The following TEK variants were observed in gnomAD, a reference collection of about 807,000 sequenced individuals.
TEK encodes the protein TEK receptor tyrosine kinase.
A neutral mutation model predicts 131.8 loss-of-function variants in TEK; 43 were observed. The observed-to-expected ratio is 0.33, with a 90% confidence interval of 0.26 to 0.42. The LOEUF is 0.42. Ranked by LOEUF, TEK falls within the 10% of genes least tolerant of loss-of-function variation. The probability of loss-of-function intolerance (pLI) is 1.00; values close to 1 mark genes in which losing one functional copy is unlikely to be tolerated. For missense variants in TEK, 1,162 were observed against 1,384.4 expected (o/e 0.84, Z 2.55); for synonymous variants, 580 against 491.6 (o/e 1.18, Z -2.38).
chr9:27,173,368 C>T lies in TEK; in HGVS notation c.901+6C>T, dbSNP rs1824037835. On this transcript the variant is annotated splice_donor_region_variant and intron_variant, in intron 6 of 22. Transcript: ENST00000380036. ...GGGTCTGCAGTGCAATGAAGGTATG[C>T]ACCAATCACACCCTTGGACAGAGGA... 6.2e-7 allele frequency: 1 copy of T among 1,613,746 alleles called. No homozygotes were observed. The highest frequency in any genetic ancestry group is 2.2e-5 in the East Asian group (1 of 44,860).
intron 1 of TEK, among the ~76,000 whole-genome samples, chr9:27,144,612 T>A (rs1013713044): frequency 5.9e-5 from 9 of 152,208 alleles, no homozygotes; most frequent in African/African-American, 2.2e-4. Context: ...ATTTTTTTTT[T>A]AATTGAGGCG....
rs1824119307 is a variant in TEK at position 27,175,226 on chromosome 9, G to A, written c.901+1864G>A. Among the ~76,000 whole-genome samples, 5 of 148,150 alleles carry A rather than the reference G, an allele frequency of 3.4e-5. No individual in the cohort carries two copies. In the South Asian group the frequency reaches 1.1e-3, roughly 32 times the overall value. ...CTGTTCAATTCCCATCTATGAGTGA[G>A]AACATACGGTGTTTGGTTTTTTGTC... On this transcript the variant is annotated intron_variant, in intron 6 of 22. Transcript: ENST00000380036.
intron 19 of TEK, among the ~76,000 whole-genome samples, chr9:27,218,130 T>TGGG (rs1554702611): frequency 2.9e-5 from 4 of 139,514 alleles, no homozygotes; most frequent in South Asian, 2.5e-4. Context: ...GGCCAGACAG[T>TGGG]GGCGGGGGTC....
intron 18 of TEK, among the ~76,000 whole-genome samples, chr9:27,217,383 C>CT (rs1288948069): frequency 6.6e-6 from 1 of 152,148 alleles, no homozygotes; most frequent in Non-Finnish European, 1.5e-5. Flanking sequence ...GTGTCTATGC[C>CT]TGTCTCCCCT....
chr9:27,208,298 A>G (rs1460307523), intron 15 of TEK, among the ~76,000 whole-genome samples: 1 of 151,956 alleles, frequency 6.6e-6, no homozygotes, highest in East Asian at 1.9e-4. Context: ...ATGAGCAGCC[A>G]TGTTTATGGC....
intron 1 of TEK, among the ~76,000 whole-genome samples, chr9:27,148,616 C>T (rs1283813834): frequency 6.6e-6 from 1 of 152,156 alleles, no homozygotes; most frequent in Non-Finnish European, 1.5e-5. Flanking sequence ...TTGGCTAATC[C>T]TCCATTGATC....
In TEK at chr9:27,183,450, T is replaced by A. The variant is rs370339471; in HGVS notation, c.1031-9T>A. ...TATTAGATTTCACAGTGCTGTTTTC[T>A]TCCTTCAGGCATACAGAGGATGACC... On this transcript the variant is annotated splice_polypyrimidine_tract_variant and intron_variant, in intron 7 of 22. Coordinates refer to ENST00000380036, the MANE Select transcript of TEK (RefSeq NM_000459.5). 1 of 1,613,614 alleles carries A rather than the reference T, an allele frequency of 6.2e-7. No individual in the cohort carries two copies. Among genetic ancestry groups the A allele is most frequent in the Admixed American group, 1.7e-5 (1 of 60,000 alleles).
At chr9:27,157,110 GGTTTT>G (rs1823361937) in intron 1 of TEK, among the ~76,000 whole-genome samples, 1 of 152,186 alleles carries the variant, frequency 6.6e-6, no homozygotes, top group African/African-American at 2.4e-5. Context: ...GTTTGGGTAA[GGTTTT>G]GTTTTTGTTT....
At chr9:27,214,413 C>G (rs1825742820) in intron 18 of TEK, among the ~76,000 whole-genome samples, 1 of 152,172 alleles carries the variant, frequency 6.6e-6, no homozygotes. Flanking sequence ...ATGAACATTA[C>G]TTGGTCCCAG....
chr9:27,191,694 T>C (rs985947044), intron 10 of TEK, among the ~76,000 whole-genome samples: 2 of 152,164 alleles, frequency 1.3e-5, no homozygotes, highest in Non-Finnish European at 2.9e-5. Flanking sequence ...TCACATACTA[T>C]TGTAGATTCT....
intron 1 of TEK, among the ~76,000 whole-genome samples, chr9:27,146,510 A>G (rs1046223873): frequency 1.4e-4 from 21 of 152,174 alleles, no homozygotes; most frequent in African/African-American, 5.1e-4. Flanking sequence ...AGAATGTCAT[A>G]TAAATGCAGT....
Position 27,204,933 on chromosome 9 carries a change from G to C in TEK, c.2232G>C (p.Gly744=). 6.2e-7 allele frequency: 1 copy of C among 1,614,000 alleles called. No individual in the cohort carries two copies. Among genetic ancestry groups the C allele is most frequent in the Non-Finnish European group, 8.5e-7 (1 of 1,179,904 alleles). Residue 744 remains glycine, a synonymous_variant, in exon 14 of 23, where the codon GGG becomes GGC. Coordinates refer to ENST00000380036, the MANE Select transcript of TEK (RefSeq NM_000459.5). ...CAGCACCAGCGGACCTCGGAGGGGG[G>C]AAGATGCTGCTTATAGCCATCCTTG... The part of the protein sequence containing the change: ...ESQAPADLGG[G]KMLLIAILGS...
chr9:27,163,876 C>A (rs542114133), intron 2 of TEK, among the ~76,000 whole-genome samples: 1 of 152,336 alleles, frequency 6.6e-6, no homozygotes, highest in African/African-American at 2.4e-5. Flanking sequence ...TGTTTTTCAT[C>A]TGTGTTTTCA....
rs567798987 is a variant in TEK, at chr9:27,208,124, A to T, written c.2576-997A>T. Among the ~76,000 whole-genome samples, 14 of 152,320 alleles carry T rather than the reference A, an allele frequency of 9.2e-5. No homozygotes were observed. The South Asian group carries it at 2.9e-3, about 32-fold the overall frequency. ...ATAAATCCTGCAGGCAAAGCAGTGC[A>T]TCCAAAGAAGGGCAGTTACTGAAGT... On this transcript the variant is annotated intron_variant, in intron 15 of 22. Coordinates refer to ENST00000380036, the MANE Select transcript of TEK (RefSeq NM_000459.5).
In TEK at chr9:27,204,893, C is replaced by T. The variant is rs368371176; in HGVS notation, c.2210-18C>T. The T allele has an allele frequency of 6.8e-6, 11 of 1,613,484 alleles. No individual in the cohort carries two copies. The highest frequency in any genetic ancestry group is 9.3e-6 in the Non-Finnish European group (11 of 1,179,758). On this transcript the variant is annotated intron_variant, in intron 13 of 22. Transcript: ENST00000380036. Reference sequence around the variant, plus strand: ...ATGTAAACTAAACTACCTGCTTCACCTCTGTCTTCCTGCACAGCACCAGCG... The same window carrying T: ...ATGTAAACTAAACTACCTGCTTCACTTCTGTCTTCCTGCACAGCACCAGCG...
At chr9:27,194,752 G>A (rs1480984975) in intron 11 of TEK, among the ~76,000 whole-genome samples, 2 of 152,186 alleles carry the variant, frequency 1.3e-5, no homozygotes, top group Non-Finnish European at 2.9e-5. Context: ...GGGTAGGCGG[G>A]AAGGGGATTA....
Position 27,180,480 on chromosome 9 carries a change from A to G in TEK, c.1030+112A>G. The G allele has an allele frequency of 3.4e-6, 5 of 1,470,696 alleles. No homozygotes were observed. The Admixed American group carries it at 5.9e-5, about 17-fold the overall frequency. 91.1% of individuals were successfully genotyped at this position (1,470,696 alleles called of 1,614,324 possible). ...AGATCCTCAAGCCTCTTTTGTTTCC[A>G]TCCAGAAGTTGGGAATAGTTTATCC... On this transcript the variant is annotated intron_variant, in intron 7 of 22. Transcript: ENST00000380036.
chr9:27,184,683 CTT>C lies in TEK; in HGVS notation c.1183-795_1183-794del, dbSNP rs1210862835. Among the ~76,000 whole-genome samples, 6 of 151,826 alleles carry C rather than the reference CTT, an allele frequency of 4.0e-5. No homozygotes were observed. In the East Asian group the frequency reaches 7.7e-4, roughly 20 times the overall value. On this transcript the variant is annotated intron_variant, in intron 8 of 22. Coordinates refer to ENST00000380036, the MANE Select transcript of TEK (RefSeq NM_000459.5). ...TCTTACTTAACATTGCCTAGTGTCT[CTT>C]TTTTTTGGCGGAAGTGGGAACTGGC...
In TEK at chr9:27,218,895, A is replaced by T. The variant is rs1429425372; in HGVS notation, c.3103+78A>T. The T allele has an allele frequency of 1.7e-5, 23 of 1,346,406 alleles. No individual in the cohort carries two copies. In the Admixed American group the frequency reaches 3.7e-4, roughly 22 times the overall value. The allele number at this position is 1,346,406 out of a possible 1,614,324, so 83.4% of individuals were successfully genotyped here. A position where few individuals can be genotyped will look rare whatever the true frequency, so the allele number is the denominator to read the frequency against. The stretch of plus-strand genomic sequence containing the variant: ...GCCTCTAGCACTCCCTTGCTGCATA[A>T]TTCCACAGGATGCCGTTTGTATGTG... On this transcript the variant is annotated intron_variant, in intron 20 of 22. Transcript: ENST00000380036.
Sources: allele counts gnomAD v4.1 joint callset (sites outside exome capture counted in the v4.1 genomes callset), GRCh38; gene constraint gnomAD v4.1.1; transcripts MANE v1.5; gene names NCBI Gene and HGNC (gene_info 2026-07-23, HGNC 2026-07-21).